Variants in SPOCK3 observed in about 807,000 individuals in gnomAD.
SPOCK3 encodes the protein SPARC (osteonectin), cwcv and kazal like domains proteoglycan 3.
In SPOCK3, 30 loss-of-function variants were observed where a neutral mutation model predicts 56.6. That is an observed-to-expected ratio of 0.53 (90% CI 0.40 to 0.72). SPOCK3 has a LOEUF of 0.72. Ranked by LOEUF, SPOCK3 falls within the 30% of genes least tolerant of loss-of-function variation. The probability of loss-of-function intolerance (pLI) is 0.00; values close to 1 mark genes in which losing one functional copy is unlikely to be tolerated. For synonymous variants in SPOCK3, 196 were observed against 183.3 expected, an observed-to-expected ratio of 1.07 and a Z score of -0.56; for missense variants, 527 against 530.0, an observed-to-expected ratio of 0.99 and a Z score of 0.06.
At chr4:167,155,744 T>C (rs1394395995) in intron 2 of SPOCK3, among the ~76,000 whole-genome samples, 1 of 151,972 alleles carries the variant, frequency 6.6e-6, no homozygotes, top group Non-Finnish European at 1.5e-5. Context: ...GGGAGAAAAA[T>C]ATTGACTGCA....
At chr4:166,927,834 G>A (rs907689917) in intron 4 of SPOCK3, among the ~76,000 whole-genome samples, 4 of 151,762 alleles carry the variant, frequency 2.6e-5, no homozygotes, top group African/African-American at 9.7e-5. Context: ...AGACATATCT[G>A]ATAAAAGTCT....
At chr4:166,831,752 ATTTTTGTTT>A (rs1746086658) in intron 6 of SPOCK3, among the ~76,000 whole-genome samples, 1 of 93,454 alleles carries the variant, frequency 1.1e-5, no homozygotes, top group Non-Finnish European at 2.5e-5. Flanking sequence ...AATGTTCTCC[ATTTTTGTTT>A]TTTTTTTTTT....
At chr4:166,865,843 T>C (rs1271330844) in intron 6 of SPOCK3, among the ~76,000 whole-genome samples, 1 of 152,188 alleles carries the variant, frequency 6.6e-6, no homozygotes, top group East Asian at 1.9e-4. Context: ...ATCATGAAAA[T>C]GGCCATATTG....
intron 6 of SPOCK3, among the ~76,000 whole-genome samples, chr4:166,857,021 G>A (rs1268404022): frequency 6.6e-6 from 1 of 152,006 alleles, no homozygotes; most frequent in Non-Finnish European, 1.5e-5. Flanking sequence ...CCAAATACAA[G>A]GCATCATATC....
intron 9 of SPOCK3, among the ~76,000 whole-genome samples, chr4:166,741,764 T>C (rs986082402): frequency 6.6e-6 from 1 of 152,202 alleles, no homozygotes; most frequent in African/African-American, 2.4e-5. Context: ...TCTTTCTTTT[T>C]ACTTAATAAC....
Position 166,792,206 on chromosome 4 carries a change from T to G in SPOCK3, c.673A>C (p.Lys225Gln). Residue 225 changes from lysine (K) to glutamine (Q), a missense_variant, in exon 7 of 11, where the codon AAG becomes CAG. Lys to Gln is a moderately conservative substitution (Grantham distance 53). Coordinates refer to ENST00000357545, the MANE Select transcript of SPOCK3 (RefSeq NM_001040159.2). ...GGCCTCAGCAATGTTTTTGTCTTCT[T>G]GTTTTGACTTCCACTTTCATGAAGG... ...KALHESGSQN[K>Q]KTKTLLRPER... 6.2e-7 allele frequency: 1 copy of G among 1,613,992 alleles called. No homozygotes were observed. The highest frequency in any genetic ancestry group is 8.5e-7 in the Non-Finnish European group (1 of 1,179,904).
intron 3 of SPOCK3, among the ~76,000 whole-genome samples, chr4:167,004,620 G>C (rs879757626): frequency 6.6e-6 from 1 of 152,164 alleles, no homozygotes; most frequent in Non-Finnish European, 1.5e-5. Flanking sequence ...AGCTGTATGA[G>C]AGAGAAAGAA....
chr4:166,815,271 TA>T (rs35482624), intron 6 of SPOCK3, among the ~76,000 whole-genome samples: 3 of 151,238 alleles, frequency 2.0e-5, no homozygotes, highest in Middle Eastern at 3.4e-3. Flanking sequence ...AACTAATTAG[TA>T]AAAAAAAGAC....
intron 2 of SPOCK3, among the ~76,000 whole-genome samples, chr4:167,160,479 T>C (rs866189542): frequency 3.3e-5 from 5 of 151,998 alleles, no homozygotes; most frequent in African/African-American, 9.7e-5. Context: ...AGGTAATTTA[T>C]AGATTCAATG....
chr4:167,232,768 C>A (rs1737307312), intron 2 of SPOCK3, among the ~76,000 whole-genome samples: 1 of 152,120 alleles, frequency 6.6e-6, no homozygotes, highest in Non-Finnish European at 1.5e-5. Flanking sequence ...AATGGCTAAA[C>A]CTAATTTTAA....
intron 3 of SPOCK3, among the ~76,000 whole-genome samples, chr4:167,015,516 T>C (rs1006790067): frequency 3.3e-5 from 5 of 152,186 alleles, no homozygotes; most frequent in Non-Finnish European, 5.9e-5. Flanking sequence ...GTTGCTTAAA[T>C]AGAGCTGCAA....
intron 4 of SPOCK3, among the ~76,000 whole-genome samples, chr4:166,988,865 G>A (rs990059293): frequency 6.6e-6 from 1 of 151,948 alleles, no homozygotes; most frequent in Non-Finnish European, 1.5e-5. Flanking sequence ...CAATAAGCAG[G>A]TATTGTTATT....
chr4:167,114,933 A>G (rs1230316624), intron 2 of SPOCK3, among the ~76,000 whole-genome samples: 2 of 152,136 alleles, frequency 1.3e-5, no homozygotes, highest in Non-Finnish European at 2.9e-5. Context: ...AAAAAAAACA[A>G]TAGAATCAGA....
At chr4:167,090,537 C>T (rs1486675469) in intron 2 of SPOCK3, among the ~76,000 whole-genome samples, 1 of 151,108 alleles carries the variant, frequency 6.6e-6, no homozygotes, top group Non-Finnish European at 1.5e-5. Context: ...GAGTTTTGCT[C>T]TTGCTGCCTA....
At chr4:166,974,929 G>A (rs1346377) in intron 4 of SPOCK3, among the ~76,000 whole-genome samples, 11,566 of 152,230 alleles carry the variant, frequency 0.076, 717 homozygotes, top group Admixed American at 0.22. Flanking sequence ...AGGTCATGAG[G>A]ACTCTGCCCT....
At chr4:166,772,486 A>G (rs1739060795) in intron 7 of SPOCK3, among the ~76,000 whole-genome samples, 1 of 152,180 alleles carries the variant, frequency 6.6e-6, no homozygotes, top group Non-Finnish European at 1.5e-5. Context: ...ATGGTGAAGA[A>G]ATTGCATATG....
chr4:166,843,834 A>G (rs976119950), intron 6 of SPOCK3, among the ~76,000 whole-genome samples: 1 of 152,208 alleles, frequency 6.6e-6, no homozygotes, highest in African/African-American at 2.4e-5. Context: ...GATGTTGCCA[A>G]AGGTGACATG....
intron 3 of SPOCK3, among the ~76,000 whole-genome samples, chr4:167,034,297 A>G (rs2150186687): frequency 6.6e-6 from 1 of 151,934 alleles, no homozygotes; most frequent in East Asian, 1.9e-4. Flanking sequence ...TAGAGATAAA[A>G]TTTGAGTCCA....
chr4:167,164,810 G>A (rs1765618982), intron 2 of SPOCK3, among the ~76,000 whole-genome samples: 1 of 152,068 alleles, frequency 6.6e-6, no homozygotes, highest in Admixed American at 6.6e-5. Flanking sequence ...TGGTGTATAT[G>A]TGCCACATTT....
Sources: gnomAD v4.1 joint callset for allele counts (sites outside exome capture counted in the v4.1 genomes callset) on GRCh38, gnomAD v4.1.1 for gene constraint, MANE v1.5 for transcripts, NCBI Gene and HGNC (gene_info 2026-07-23, HGNC 2026-07-21) for gene names.